Variants in NT5DC3 observed in about 807,000 individuals in gnomAD.
NT5DC3 encodes the protein 5'-nucleotidase domain containing 3.
Under a neutral mutation model 67.8 loss-of-function variants are expected in NT5DC3, and 42 were observed. The observed-to-expected ratio is 0.62, with a 90% CI of 0.48 to 0.80. NT5DC3 has a LOEUF of 0.80. Ranked by LOEUF, NT5DC3 falls within the 30% of genes least tolerant of loss-of-function variation. The pLI is 0.00. For synonymous variants in NT5DC3, 237 were observed against 255.6 expected (o/e 0.93, Z 0.69); for missense variants, 570 against 696.4 (o/e 0.82, Z 2.04).
chr12:103,820,251 T>C (rs1285862141), intron 1 of NT5DC3, among the ~76,000 whole-genome samples: 1 of 152,228 alleles, frequency 6.6e-6, no homozygotes, highest in African/African-American at 2.4e-5. Flanking sequence ...TCTTTTTGGG[T>C]GCATACCTAG....
At chr12:103,828,696 C>T (rs368163037) in intron 1 of NT5DC3, among the ~76,000 whole-genome samples, 7 of 136,348 alleles carry the variant, frequency 5.1e-5, no homozygotes, top group African/African-American at 8.2e-5. Flanking sequence ...TTTTTTCTTT[C>T]TTTTTATTTT....
downstream of NT5DC3, among the ~76,000 whole-genome samples, chr12:103,772,058 G>C (rs564275028): frequency 4.1e-4 from 63 of 152,238 alleles, no homozygotes; most frequent in African/African-American, 1.4e-3. Flanking sequence ...TGCTGTGGGT[G>C]GGGGGAGATG....
In NT5DC3 at chr12:103,793,225, C is replaced by A. The variant is rs2139341029; in HGVS notation, c.958G>T (p.Asp320Tyr). The A allele has an allele frequency of 1.2e-6, 2 of 1,610,140 alleles. No individual in the cohort carries two copies. The highest frequency in any genetic ancestry group is 1.7e-6 in the Non-Finnish European group (2 of 1,179,180). The change falls in exon 9 of 14, where the codon GAC (aspartate) becomes TAC (tyrosine). Residue 320 changes from aspartate (D) to tyrosine (Y), a missense_variant. This residue lies in a region of NT5DC3 where 466 missense variants were observed against 608.0 expected (regional missense o/e 0.77). Transcript: ENST00000392876. ...TGAACAATGACCACATCGAACAGGTCCCTCCAGTCTTTCCCAACGATATAA... is the reference window on the plus strand; with the variant it reads ...TGAACAATGACCACATCGAACAGGTACCTCCAGTCTTTCCCAACGATATAA... ...MSYIVGKDWR[D>Y]LFDVVIVQAE...
the NT5DC3 span, chr12:103,761,303 G>A: frequency 6.2e-7 from 1 of 1,613,932 alleles, no homozygotes; most frequent in South Asian, 1.1e-5. Flanking sequence ...TCCCTAGACG[G>A]AGACCAGGTT....
At chr12:103,761,214 G>A in the NT5DC3 span, 7 of 1,250,542 alleles carry the variant, frequency 5.6e-6, no homozygotes, top group African/African-American at 5.9e-5. Flanking sequence ...GGGCTCAGGG[G>A]CCTTGGGAAA....
chr12:103,810,441 GTAGTT>G (rs1453324197), intron 2 of NT5DC3, among the ~76,000 whole-genome samples: 3 of 152,092 alleles, frequency 2.0e-5, no homozygotes, highest in Non-Finnish European at 4.4e-5. Flanking sequence ...AGGACTTTTC[GTAGTT>G]TAGAAACTTT....
chr12:103,840,095 G>A (rs78346226), intron 1 of NT5DC3, among the ~76,000 whole-genome samples: 9 of 152,316 alleles, frequency 5.9e-5, no homozygotes, highest in African/African-American at 2.2e-4. Flanking sequence ...AAATTCAGGC[G>A]TCACCTTGGC....
At chr12:103,798,310 G>A (rs945927978) in intron 5 of NT5DC3, among the ~76,000 whole-genome samples, 1 of 152,180 alleles carries the variant, frequency 6.6e-6, no homozygotes, top group African/African-American at 2.4e-5. Context: ...ATCTGTTCTG[G>A]AGCCCCACTC....
intron 1 of NT5DC3, among the ~76,000 whole-genome samples, chr12:103,838,488 T>C (rs1888243912): frequency 6.6e-6 from 1 of 152,214 alleles, no homozygotes; most frequent in Non-Finnish European, 1.5e-5. Flanking sequence ...CAACAAACCT[T>C]ATCCATAAAT....
intron 1 of NT5DC3, among the ~76,000 whole-genome samples, chr12:103,840,038 C>T (rs1353742609): frequency 3.3e-5 from 5 of 152,150 alleles, no homozygotes; most frequent in African/African-American, 1.2e-4. Context: ...AAATGGTCAA[C>T]GGAGCACAGG....
At chr12:103,788,106 A>G (rs1885874196) in intron 10 of NT5DC3, among the ~76,000 whole-genome samples, 2 of 152,208 alleles carry the variant, frequency 1.3e-5, no homozygotes, top group African/African-American at 4.8e-5. Flanking sequence ...GCAATAATTC[A>G]TTCAAATATT....
intron 6 of NT5DC3, among the ~76,000 whole-genome samples, chr12:103,794,606 T>C (rs1475501626): frequency 1.3e-5 from 2 of 152,252 alleles, no homozygotes; most frequent in East Asian, 3.8e-4. Flanking sequence ...GTAATTTATA[T>C]CCAGTACTGT....
chr12:103,808,164 G>A (rs1886882278), intron 2 of NT5DC3, among the ~76,000 whole-genome samples: 1 of 152,076 alleles, frequency 6.6e-6, no homozygotes, highest in Non-Finnish European at 1.5e-5. Context: ...CTGATCTGTG[G>A]GCACCATTTC....
intron 13 of NT5DC3, among the ~76,000 whole-genome samples, chr12:103,778,427 A>G (rs1885418381): frequency 6.6e-6 from 1 of 152,202 alleles, no homozygotes. Flanking sequence ...GCTACACAGG[A>G]GGCTGAGGCA....
At chr12:103,787,906 T>G (rs549393198) in intron 10 of NT5DC3, among the ~76,000 whole-genome samples, 125 of 152,214 alleles carry the variant, frequency 8.2e-4, no homozygotes, top group Non-Finnish European at 1.6e-3. Context: ...CATAGCCAAG[T>G]TGTATTAGCT....
chr12:103,799,409 T>A (rs911675861), intron 4 of NT5DC3, among the ~76,000 whole-genome samples: 1 of 152,124 alleles, frequency 6.6e-6, no homozygotes, highest in Non-Finnish European at 1.5e-5. Context: ...AGTGAATAAG[T>A]CTCACGAAAT....
At chr12:103,838,205 C>T (rs1479844133) in intron 1 of NT5DC3, among the ~76,000 whole-genome samples, 3 of 152,192 alleles carry the variant, frequency 2.0e-5, no homozygotes, top group African/African-American at 7.2e-5. Context: ...CAATTACCTC[C>T]CCCTGGGTCC....
chr12:103,754,945 C>CAAAA, the NT5DC3 span: 20 of 159,376 alleles, frequency 1.3e-4, no homozygotes, highest in East Asian at 1.1e-3. Context: ...GACTCCACCT[C>CAAAA]AAAAAAAAAA....
At chr12:103,784,822 G>GGAA (rs1437719630) in intron 12 of NT5DC3, among the ~76,000 whole-genome samples, 1 of 152,174 alleles carries the variant, frequency 6.6e-6, no homozygotes, top group Non-Finnish European at 1.5e-5. Flanking sequence ...TAACTGCCAG[G>GGAA]GAACTCCAGT....
Sources: allele counts gnomAD v4.1 joint callset (sites outside exome capture counted in the v4.1 genomes callset), GRCh38; gene constraint gnomAD v4.1.1; regional missense constraint gnomAD v4.1.1; transcripts MANE v1.5; gene names NCBI Gene and HGNC (gene_info 2026-07-23, HGNC 2026-07-21).